Variants in CNTNAP2 observed in about 807,000 individuals in gnomAD.
The protein encoded by CNTNAP2 is contactin associated protein 2, also known as contactin-associated protein-like 2.
CNTNAP2 carries 98 observed loss-of-function variants against 155.2 expected under a neutral mutation model. The observed-to-expected ratio is 0.63, with a 90% CI of 0.54 to 0.75. The LOEUF is 0.75. Ranked by LOEUF, CNTNAP2 falls within the 30% of genes least tolerant of loss-of-function variation. The pLI is 0.00. For missense variants in CNTNAP2, 1,727 were observed against 1,688.1 expected, an observed-to-expected ratio of 1.02 and a Z score of -0.40; for synonymous variants, 651 against 631.2, an observed-to-expected ratio of 1.03 and a Z score of -0.47.
intron 1 of CNTNAP2, among the ~76,000 whole-genome samples, chr7:146,652,924 G>A (rs1799940975): frequency 6.6e-6 from 1 of 152,126 alleles, no homozygotes; most frequent in Non-Finnish European, 1.5e-5. Flanking sequence ...TCCATCCAGA[G>A]ACTGTGGAGT....
intron 13 of CNTNAP2, among the ~76,000 whole-genome samples, chr7:147,809,782 A>G (rs906387084): frequency 3.9e-5 from 6 of 152,198 alleles, no homozygotes; most frequent in African/African-American, 1.2e-4. Flanking sequence ...TAATGAGAAA[A>G]TCTACACTGC....
chr7:147,353,844 TG>T (rs1406228817), intron 9 of CNTNAP2, among the ~76,000 whole-genome samples: 2 of 152,112 alleles, frequency 1.3e-5, no homozygotes, highest in Non-Finnish European at 2.9e-5. Flanking sequence ...TTCTAACTGG[TG>T]TGAGATGGTA....
chr7:146,225,142 A>T (rs969514877), intron 1 of CNTNAP2, among the ~76,000 whole-genome samples: 5 of 152,228 alleles, frequency 3.3e-5, no homozygotes, highest in African/African-American at 1.2e-4. Flanking sequence ...GCTGTTTAAA[A>T]GTTACATCAT....
chr7:147,296,461 T>C (rs1224185407), intron 8 of CNTNAP2, among the ~76,000 whole-genome samples: 1 of 152,204 alleles, frequency 6.6e-6, no homozygotes, highest in Non-Finnish European at 1.5e-5. Flanking sequence ...AGTAATTTTA[T>C]AGTACAAGAG....
rs145303227 is a variant in CNTNAP2 at position 147,785,686 on chromosome 7, G to T, written c.2099-117879G>T. On this transcript the variant is annotated intron_variant, in intron 13 of 23. Coordinates refer to ENST00000361727, the MANE Select transcript of CNTNAP2 (RefSeq NM_014141.6). ...GATTAAGCAGCTGAAGTTAAAAAAAGATTATTAAAAACAATAAGCTACAGA... is the reference window on the plus strand; with the variant it reads ...GATTAAGCAGCTGAAGTTAAAAAAATATTATTAAAAACAATAAGCTACAGA... 3.3e-3 allele frequency among the ~76,000 whole-genome samples: 510 copies of T among 152,294 alleles called. 2 individuals are homozygous for T. Among genetic ancestry groups the T allele is most frequent in the African/African-American group, 0.012 (490 of 41,564 alleles).
intron 1 of CNTNAP2, among the ~76,000 whole-genome samples, chr7:146,488,860 ATCC>A (rs1270197146): frequency 6.6e-6 from 1 of 152,032 alleles, no homozygotes; most frequent in East Asian, 1.9e-4. Context: ...GGCTCAAGCA[ATCC>A]TCCTCCTTGG....
chr7:146,885,923 A>G (rs1795647219), intron 3 of CNTNAP2, among the ~76,000 whole-genome samples: 1 of 127,190 alleles, frequency 7.9e-6, no homozygotes, highest in Non-Finnish European at 1.6e-5. Context: ...GAATATATGT[A>G]AGTCGGTGTG....
rs538563539 is a variant in CNTNAP2, at chr7:147,836,025, G to A, written c.2099-67540G>A. ...GGATTTCTGGCCTCCAGAGCTGTGA[G>A]CCAATACATTCTGTGGTTTTAGGCC... is the stretch of plus-strand genomic sequence containing the variant. On this transcript the variant is annotated intron_variant, in intron 13 of 23. Transcript: ENST00000361727. Among the ~76,000 whole-genome samples the A allele has an allele frequency of 7.9e-5, 12 of 152,272 alleles. No homozygotes were observed. The East Asian group carries it at 2.3e-3, about 29-fold the overall frequency.
intron 1 of CNTNAP2, among the ~76,000 whole-genome samples, chr7:146,429,569 T>C (rs568798348): frequency 1.3e-5 from 2 of 152,288 alleles, no homozygotes; most frequent in South Asian, 4.1e-4. Flanking sequence ...CGTTTTCACA[T>C]TGATTTTGTA....
At chr7:147,963,445 C>G (rs1456845200) in intron 14 of CNTNAP2, among the ~76,000 whole-genome samples, 3 of 151,960 alleles carry the variant, frequency 2.0e-5, no homozygotes, top group Non-Finnish European at 4.4e-5. Context: ...GATATAACAA[C>G]TTTACAAGGC....
At chr7:147,353,524 A>T (rs1417009334) in intron 9 of CNTNAP2, among the ~76,000 whole-genome samples, 1 of 151,954 alleles carries the variant, frequency 6.6e-6, no homozygotes, top group Non-Finnish European at 1.5e-5. Flanking sequence ...TATGTGCCAC[A>T]TTTTCTTTAT....
chr7:146,161,748 C>T (rs569276707), intron 1 of CNTNAP2, among the ~76,000 whole-genome samples: 2 of 152,174 alleles, frequency 1.3e-5, no homozygotes, highest in South Asian at 4.1e-4. Context: ...ATCACGCTAC[C>T]TGACTTCAAA....
rs1192946126 is a variant in CNTNAP2, at chr7:146,560,499, A to T, written c.98-213772A>T. On this transcript the variant is annotated intron_variant, in intron 1 of 23. Coordinates refer to ENST00000361727, the MANE Select transcript of CNTNAP2 (RefSeq NM_014141.6). Reference sequence around the variant, plus strand: ...GTGTATATATATATATTTGGCTAAGAGTTTCTTATAAGCATTTCATACATG... The same window carrying T: ...GTGTATATATATATATTTGGCTAAGTGTTTCTTATAAGCATTTCATACATG... Among the ~76,000 whole-genome samples, 4 of 151,968 alleles carry T rather than the reference A, an allele frequency of 2.6e-5. No individual in the cohort carries two copies. In the South Asian group the frequency reaches 8.3e-4, roughly 32 times the overall value.
At chr7:148,128,019 G>A (rs573409721) in intron 16 of CNTNAP2, among the ~76,000 whole-genome samples, 15 of 152,142 alleles carry the variant, frequency 9.9e-5, no homozygotes, top group African/African-American at 2.9e-4. Flanking sequence ...ACAGGTGCAC[G>A]CCACCACACT....
chr7:147,237,494 T>C (rs928715769), intron 8 of CNTNAP2, among the ~76,000 whole-genome samples: 1 of 152,220 alleles, frequency 6.6e-6, no homozygotes, highest in Non-Finnish European at 1.5e-5. Flanking sequence ...AAGTGCTGGC[T>C]CCACTTTGAA....
chr7:147,977,483 A>T lies in CNTNAP2; in HGVS notation c.2256-379A>T, dbSNP rs187536497. Among the ~76,000 whole-genome samples, 607 of 152,324 alleles carry T rather than the reference A, an allele frequency of 4.0e-3. 3 individuals carry two copies. Among genetic ancestry groups the T allele is most frequent in the Middle Eastern group, 0.014 (4 of 294 alleles). ...TGCTTCAAATAGGGTTTTGTTTCAC[A>T]TATTATTCAAGCGACCAGGTTGACT... On this transcript the variant is annotated intron_variant, in intron 14 of 23. Coordinates refer to ENST00000361727, the MANE Select transcript of CNTNAP2 (RefSeq NM_014141.6).
chr7:146,342,807 T>C (rs1488560251), intron 1 of CNTNAP2, among the ~76,000 whole-genome samples: 1 of 152,244 alleles, frequency 6.6e-6, no homozygotes, highest in Middle Eastern at 3.2e-3. Context: ...ATTTTATGCC[T>C]GTAAGACATG....
chr7:147,245,511 G>A (rs1350243263), intron 8 of CNTNAP2, among the ~76,000 whole-genome samples: 1 of 151,952 alleles, frequency 6.6e-6, no homozygotes, highest in Non-Finnish European at 1.5e-5. Context: ...AAACCCATTT[G>A]CTTTCATTGA....
chr7:146,843,126 C>T (rs2129201344), intron 3 of CNTNAP2, among the ~76,000 whole-genome samples: 2 of 128,748 alleles, frequency 1.6e-5, no homozygotes, highest in South Asian at 5.5e-4. Flanking sequence ...CATTCTCCTG[C>T]CTCAGCCTCC....
Sources: gnomAD v4.1 joint callset for allele counts (sites outside exome capture counted in the v4.1 genomes callset) on GRCh38, gnomAD v4.1.1 for gene constraint, MANE v1.5 for transcripts, NCBI Gene and HGNC (gene_info 2026-07-23, HGNC 2026-07-21) for gene names.